STS: variants seen among roughly 807,000 people sequenced by gnomAD.
The protein encoded by STS is steryl-sulfatase.
STS carries 7 observed loss-of-function variants against 26.8 expected under a neutral mutation model. The observed-to-expected ratio is 0.26, with a 90% CI of 0.15 to 0.49. STS has a LOEUF of 0.49. STS is among the 20% of genes least tolerant of loss of function. STS has a pLI of 0.98. For missense variants in STS, 434 were observed against 465.6 expected, an observed-to-expected ratio of 0.93 and a Z score of 0.63; for synonymous variants, 199 against 189.4, an observed-to-expected ratio of 1.05 and a Z score of -0.42.
intron 10 of STS, among the ~76,000 whole-genome samples, chrX:7,342,336 G>A (rs1928329353): frequency 2.7e-5 from 3 of 111,416 alleles, no homozygotes; most frequent in Non-Finnish European, 1.9e-5. Flanking sequence ...ACACAGCAGG[G>A]CTTTGAAGGA....
At chrX:7,203,930 G>A (rs773681585) in intron 2 of STS, among the ~76,000 whole-genome samples, 7 of 111,111 alleles carry the variant, frequency 6.3e-5, no homozygotes, top group African/African-American at 1.3e-4. Flanking sequence ...GACTACAGGC[G>A]TGTTCTACCA....
chrX:7,302,030 G>T (rs1468128339), intron 7 of STS, among the ~76,000 whole-genome samples: 1 of 111,758 alleles, frequency 8.9e-6, no homozygotes, highest in Non-Finnish European at 1.9e-5. Flanking sequence ...TTTGTGTGTG[G>T]GTTTTTGTGT....
intron 2 of STS, among the ~76,000 whole-genome samples, chrX:7,218,542 A>G (rs1308097476): frequency 8.9e-6 from 1 of 112,463 alleles, no homozygotes; most frequent in African/African-American, 3.2e-5. Flanking sequence ...GAATATAGAC[A>G]TCGCCTGGGG....
In STS at chrX:7,333,987, A is replaced by G. The variant is rs1927885804; in HGVS notation, c.1243A>G (p.Ile415Val). Residue 415 changes from isoleucine (I) to valine (V), a missense_variant and splice_region_variant, in exon 10 of 11, where the codon ATC (isoleucine) becomes GTC (valine). Coordinates refer to ENST00000674429, the MANE Select transcript of STS (RefSeq NM_001320752.2). ...GATGCCTGGCTGTTTATCCCACAGG[A>G]TCATTGATGGACGTGATCTGATGCC... The part of the protein sequence containing the change: ...LAGAPLPEDR[I>V]IDGRDLMPLL... 1 of 1,209,554 alleles carries G rather than the reference A, an allele frequency of 8.3e-7. No individual in the cohort carries two copies. Among genetic ancestry groups the G allele is most frequent in the African/African-American group, 1.8e-5 (1 of 57,123 alleles).
intron 1 of STS, among the ~76,000 whole-genome samples, chrX:7,155,698 G>A (rs145184790): frequency 0.042 from 4,711 of 111,781 alleles, 236 homozygotes; most frequent in African/African-American, 0.14. Context: ...AAGAAGAAAG[G>A]TGATTACAGT....
intron 8 of STS, among the ~76,000 whole-genome samples, chrX:7,312,555 C>T (rs1303567647): frequency 9.0e-6 from 1 of 111,066 alleles, no homozygotes; most frequent in Non-Finnish European, 1.9e-5. Flanking sequence ...TCATGGGAGG[C>T]ACCTGGTCAG....
chrX:7,296,264 G>T (rs1307804223), intron 7 of STS, among the ~76,000 whole-genome samples: 1 of 111,838 alleles, frequency 8.9e-6, no homozygotes. Flanking sequence ...GGCACAGGCT[G>T]GGTTACCTCC....
intron 8 of STS, among the ~76,000 whole-genome samples, chrX:7,309,424 G>C (rs1400305306): frequency 9.0e-6 from 1 of 110,747 alleles, no homozygotes; most frequent in Non-Finnish European, 1.9e-5. Context: ...AAAGGAGCAG[G>C]AAAGATCACT....
rs759033123 is a variant in STS, at chrX:7,253,340, G to A, written c.137+4G>A. On this transcript the variant is annotated splice_donor_region_variant and intron_variant, in intron 3 of 10. Coordinates refer to ENST00000674429, the MANE Select transcript of STS (RefSeq NM_001320752.2). ...GCTATGGGAACAAAACTATCAGGTT[G>A]GTAATGCAGCTCCTCAGTAAACACA... 1.3e-5 allele frequency: 16 copies of A among 1,209,355 alleles called. No homozygotes were observed. Among genetic ancestry groups the A allele is most frequent in the African/African-American group, 1.8e-5 (1 of 56,974 alleles).
At chrX:7,228,727 T>A (rs1252711884) in intron 2 of STS, among the ~76,000 whole-genome samples, 1 of 112,321 alleles carries the variant, frequency 8.9e-6, no homozygotes, top group Non-Finnish European at 1.9e-5. Flanking sequence ...TAGTTTGACG[T>A]AGTCCCACTT....
At chrX:7,231,236 G>T (rs777159049) in intron 2 of STS, among the ~76,000 whole-genome samples, 1 of 111,917 alleles carries the variant, frequency 8.9e-6, no homozygotes, top group Admixed American at 9.5e-5. Context: ...CCGTTTAGGG[G>T]TGATGAAAAT....
intron 2 of STS, among the ~76,000 whole-genome samples, chrX:7,214,991 C>T (rs752834745): frequency 1.0e-3 from 71 of 69,129 alleles, no homozygotes; most frequent in African/African-American, 4.0e-3. Flanking sequence ...CATATATATA[C>T]GTATATATAC....
At chrX:7,204,800 C>G (rs1934166271) in intron 2 of STS, among the ~76,000 whole-genome samples, 1 of 105,206 alleles carries the variant, frequency 9.5e-6, no homozygotes, top group African/African-American at 3.5e-5. Context: ...CTTCCTCTCT[C>G]CCTGCCTTCC....
At chrX:7,164,189 A>T (rs1415145971) in intron 1 of STS, among the ~76,000 whole-genome samples, 1 of 111,624 alleles carries the variant, frequency 9.0e-6, no homozygotes, top group East Asian at 2.8e-4. Context: ...GAGCTATTAT[A>T]TATGACATGA....
At chrX:7,150,818 G>C (rs1601613866) in intron 1 of STS, among the ~76,000 whole-genome samples, 1 of 111,296 alleles carries the variant, frequency 9.0e-6, no homozygotes, top group East Asian at 2.8e-4. Context: ...TTTTGTTCTA[G>C]CAATGTGGTT....
chrX:7,189,877 G>T (rs1487235282), intron 1 of STS, among the ~76,000 whole-genome samples: 1 of 111,343 alleles, frequency 9.0e-6, no homozygotes, highest in Non-Finnish European at 1.9e-5. Flanking sequence ...ACAGGGTAAT[G>T]AAGGAGGGCT....
At chrX:7,258,368 TTGGA>T (rs1923552850) in intron 5 of STS, among the ~76,000 whole-genome samples, 1 of 110,534 alleles carries the variant, frequency 9.0e-6, no homozygotes, top group Admixed American at 9.6e-5. Context: ...AATGAGGCAA[TTGGA>T]TGGATGAAAT....
At chrX:7,225,591 C>T (rs922646541) in intron 2 of STS, among the ~76,000 whole-genome samples, 1 of 111,261 alleles carries the variant, frequency 9.0e-6, no homozygotes. Flanking sequence ...TGCCCTTTGC[C>T]TAGTACTACC....
intron 6 of STS, among the ~76,000 whole-genome samples, chrX:7,273,228 G>A (rs1924372040): frequency 9.0e-6 from 1 of 111,286 alleles, no homozygotes; most frequent in African/African-American, 3.3e-5. Context: ...TAACAATATT[G>A]TTTTAGGGTT....
Sources: allele counts gnomAD v4.1 joint callset (sites outside exome capture counted in the v4.1 genomes callset), GRCh38; gene constraint gnomAD v4.1.1; transcripts MANE v1.5; gene names NCBI Gene and HGNC (gene_info 2026-07-23, HGNC 2026-07-21).